The following PACRG variants were observed in gnomAD, a reference collection of about 807,000 sequenced individuals.
PACRG encodes the protein parkin coregulated gene protein.
A neutral mutation model predicts 29.7 loss-of-function variants in PACRG; 29 were observed. The ratio of observed to expected loss-of-function variants is 0.98; its 90% confidence interval spans 0.73 to 1.33. The LOEUF (loss-of-function observed/expected upper bound fraction) is 1.33. Among genes scored for constraint, PACRG ranks in the 40% most tolerant of loss-of-function variants. The pLI, the probability that PACRG is intolerant of heterozygous loss-of-function variation, is 0.00. For synonymous variants in PACRG, 116 were observed against 118.7 expected (o/e 0.98, Z 0.15); for missense variants, 279 against 316.2 (o/e 0.88, Z 0.89).
At chr6:162,746,886 T>C (rs1781028447) in intron 1 of PACRG, among the ~76,000 whole-genome samples, 3 of 152,228 alleles carry the variant, frequency 2.0e-5, no homozygotes, top group Admixed American at 6.5e-5. Context: ...GACCCTTCTC[T>C]GTATCACACT....
At chr6:163,166,493 C>A (rs375469393) in intron 4 of PACRG, among the ~76,000 whole-genome samples, 1 of 152,152 alleles carries the variant, frequency 6.6e-6, no homozygotes, top group East Asian at 1.9e-4. Context: ...ATTTACATGG[C>A]GTGCACAATT....
intron 4 of PACRG, among the ~76,000 whole-genome samples, chr6:163,289,430 T>C (rs1784506463): frequency 6.6e-6 from 1 of 152,238 alleles, no homozygotes; most frequent in Admixed American, 6.5e-5. Context: ...TCAGTTTTTC[T>C]TTTGTAAATA....
At chr6:163,182,791 G>C (rs944172321) in intron 4 of PACRG, 1 of 152,114 alleles carries the variant, frequency 6.6e-6, no homozygotes, top group Non-Finnish European at 1.5e-5. Flanking sequence ...TAATTCACTC[G>C]TTCCGGGCCA....
intron 2 of PACRG, among the ~76,000 whole-genome samples, chr6:162,902,870 T>G (rs1489685124): frequency 1.3e-5 from 2 of 152,218 alleles, no homozygotes; most frequent in Admixed American, 1.3e-4. Context: ...TTTGGGCTTT[T>G]TTTCTTCAAT....
At chr6:163,181,206 C>T (rs1215672644) in intron 4 of PACRG, among the ~76,000 whole-genome samples, 1 of 152,202 alleles carries the variant, frequency 6.6e-6, no homozygotes, top group Admixed American at 6.5e-5. Flanking sequence ...CTGAAACCTA[C>T]TTGCCTGACC....
chr6:163,213,324 A>G (rs950694791), intron 4 of PACRG, among the ~76,000 whole-genome samples: 1 of 152,146 alleles, frequency 6.6e-6, no homozygotes, highest in Non-Finnish European at 1.5e-5. Context: ...AAACAAAACA[A>G]AACTGAAGAA....
At chr6:162,911,587 C>A (rs749653537) in intron 2 of PACRG, among the ~76,000 whole-genome samples, 4 of 152,152 alleles carry the variant, frequency 2.6e-5, no homozygotes, top group Non-Finnish European at 5.9e-5. Flanking sequence ...TTGTAGGTCT[C>A]CCCTGGGGCA....
At chr6:163,304,812 G>A (rs12214680) in intron 4 of PACRG, among the ~76,000 whole-genome samples, 19,649 of 152,172 alleles carry the variant, frequency 0.13, 1,516 homozygotes, top group African/African-American at 0.21. Context: ...GACCGGCTTC[G>A]TGAGGGAGAT....
At chr6:162,866,841 A>T (rs1301700248) in intron 2 of PACRG, among the ~76,000 whole-genome samples, 1 of 152,232 alleles carries the variant, frequency 6.6e-6, no homozygotes, top group Non-Finnish European at 1.5e-5. Context: ...AGAGATACTC[A>T]TGACAGGAAA....
intron 4 of PACRG, among the ~76,000 whole-genome samples, chr6:163,142,706 G>A (rs1458491467): frequency 6.6e-6 from 1 of 152,140 alleles, no homozygotes. Flanking sequence ...AATAGATCAG[G>A]ATGAAGTAGG....
intron 1 of PACRG, among the ~76,000 whole-genome samples, chr6:162,809,291 T>G (rs950249152): frequency 2.6e-5 from 4 of 151,824 alleles, no homozygotes; most frequent in Admixed American, 1.3e-4. Flanking sequence ...CTATAGCAGA[T>G]CCCAAAAAGT....
intron 2 of PACRG, among the ~76,000 whole-genome samples, chr6:162,900,014 G>T (rs1255099278): frequency 6.6e-6 from 1 of 152,086 alleles, no homozygotes; most frequent in Non-Finnish European, 1.5e-5. Context: ...GAGCAAAAGG[G>T]TCTGGCTGTG....
intron 2 of PACRG, among the ~76,000 whole-genome samples, chr6:162,879,355 A>C (rs932982437): frequency 6.6e-6 from 1 of 152,210 alleles, no homozygotes; most frequent in Non-Finnish European, 1.5e-5. Context: ...CAAGAAATTC[A>C]GTTTTAAAAG....
At chr6:162,933,297 T>A (rs1264366493) in intron 2 of PACRG, among the ~76,000 whole-genome samples, 1 of 152,174 alleles carries the variant, frequency 6.6e-6, no homozygotes, top group Non-Finnish European at 1.5e-5. Context: ...ATGTTTCATG[T>A]GCTGATGAGA....
At chr6:162,836,067 T>C (rs1291810439) in intron 2 of PACRG, among the ~76,000 whole-genome samples, 2 of 152,182 alleles carry the variant, frequency 1.3e-5, no homozygotes, top group Non-Finnish European at 2.9e-5. Context: ...AATTCTGACA[T>C]ATTTTTGCAT....
rs193250711 is a variant in PACRG at position 162,809,146 on chromosome 6, T to C, written c.157-5001T>C. On this transcript the variant is annotated intron_variant, in intron 1 of 4. Transcript: ENST00000366888. The stretch of plus-strand genomic sequence containing the variant: ...TATGTACCTGGAACAGAAAAAAATA[T>C]TATTTCAGCAGTAGTGACAAAGCAT... Among the ~76,000 whole-genome samples, 49 of 152,230 alleles carry C rather than the reference T, an allele frequency of 3.2e-4. No homozygotes were observed. The East Asian group carries it at 9.1e-3, about 28-fold the overall frequency.
intron 4 of PACRG, among the ~76,000 whole-genome samples, chr6:163,194,156 A>G (rs969590236): frequency 6.6e-6 from 1 of 151,992 alleles, no homozygotes; most frequent in Admixed American, 6.5e-5. Flanking sequence ...TACTAATCAG[A>G]TTTGACAACA....
chr6:163,195,126 C>T (rs113427297), intron 4 of PACRG, among the ~76,000 whole-genome samples: 3,037 of 152,232 alleles, frequency 0.02, 55 homozygotes, highest in East Asian at 0.082. Flanking sequence ...GTGATGTTTC[C>T]AAAGGTAGCA....
intron 2 of PACRG, among the ~76,000 whole-genome samples, chr6:162,978,048 G>A (rs1276175138): frequency 1.3e-5 from 2 of 150,738 alleles, no homozygotes; most frequent in African/African-American, 5.0e-5. Flanking sequence ...GGAGGCTGAG[G>A]CAGGAGAATC....
Sources: gnomAD v4.1 joint callset for allele counts (sites outside exome capture counted in the v4.1 genomes callset) on GRCh38, gnomAD v4.1.1 for gene constraint, MANE v1.5 for transcripts, NCBI Gene and HGNC (gene_info 2026-07-23, HGNC 2026-07-21) for gene names.